The following TIGD5 variants were observed in gnomAD, a reference collection of about 807,000 sequenced individuals.
The protein encoded by TIGD5 is tigger transposable element-derived protein 5.
In TIGD5, 24 loss-of-function variants were observed where a neutral mutation model predicts 28.8. The observed-to-expected ratio is 0.83, with a 90% CI of 0.60 to 1.17. The LOEUF is 1.17. Among genes scored for constraint, TIGD5 ranks in the 50% most tolerant of loss-of-function variants. TIGD5 has a pLI of 0.00. For synonymous variants in TIGD5, 538 were observed against 430.5 expected, an observed-to-expected ratio of 1.25 and a Z score of -3.09; for missense variants, 922 against 911.4, an observed-to-expected ratio of 1.01 and a Z score of -0.15.
rs1829163779 is a variant in TIGD5 at position 143,598,713 on chromosome 8, G to A, written c.810G>A (p.Trp270Ter). 2 of 1,509,012 alleles carry A rather than the reference G, an allele frequency of 1.3e-6. No homozygotes were observed. Among genetic ancestry groups the A allele is most frequent in the African/African-American group, 1.4e-5 (1 of 70,750 alleles). The allele number at this position is 1,509,012 out of a possible 1,614,324, so 93.5% of individuals were successfully genotyped here. Reference protein sequence around the residue: ...DPGAGGCGRRWRGDRVTVLLA... With the variant: ...DPGAGGCGRR ...GGGCGGGGGGCTGTGGCCGGCGCTG[G>A]CGGGGCGACCGCGTAACGGTGCTGC... The change falls in exon 1 of 1, where the codon TGG becomes TGA. Residue 270 changes from tryptophan (W) to a stop codon, truncating the protein, a stop_gained. Coordinates refer to ENST00000504548, the MANE Select transcript of TIGD5 (RefSeq NM_032862.5). LOFTEE classifies it high-confidence loss of function. This position sits in a 1 kb window ranked among gnomAD's most constrained non-coding sequence, Gnocchi z 6.6.
chr8:143,599,667 C>A lies in TIGD5; in HGVS notation c.1764C>A (p.Ala588=). 6.6e-7 allele frequency: 1 copy of A among 1,518,034 alleles called. No individual in the cohort carries two copies. Among genetic ancestry groups the A allele is most frequent in the Non-Finnish European group, 8.8e-7 (1 of 1,136,706 alleles). The allele number at this position is 1,518,034 out of a possible 1,614,324, so 94.0% of individuals were successfully genotyped here. Residue 588 remains alanine, a synonymous_variant, in exon 1 of 1, where the codon GCC becomes GCA. Transcript: ENST00000504548. The stretch of plus-strand genomic sequence containing the variant: ...ATGGAGGGACCTCAGTGCCGACTGC[C>A]GGGGAGGCCGTGCGGGGGCTAGAAA... ...TDYGGTSVPT[A]GEAVRGLETA...
Position 143,599,677 on chromosome 8 carries a change from G to C in TIGD5, c.1774G>C (p.Val592Leu). ...GTSVPTAGEA[V>L]RGLETALRWL... ...CTCAGTGCCGACTGCCGGGGAGGCC[G>C]TGCGGGGGCTAGAAACAGCTCTGCG... Residue 592 changes from valine to leucine, a missense_variant, in exon 1 of 1, where the codon GTG becomes CTG. This residue lies in a region of TIGD5 where 821 missense variants were observed against 815.2 expected (regional missense o/e 1.01). Coordinates refer to ENST00000504548, the MANE Select transcript of TIGD5 (RefSeq NM_032862.5). The C allele has an allele frequency of 6.6e-7, 1 of 1,518,342 alleles. No individual in the cohort carries two copies. Among genetic ancestry groups the C allele is most frequent in the Non-Finnish European group, 8.8e-7 (1 of 1,137,770 alleles). The allele number at this position is 1,518,342 out of a possible 1,614,324, so 94.1% of individuals were successfully genotyped here. A position where few individuals can be genotyped will look rare whatever the true frequency, so the allele number is the denominator to read the frequency against.
At position 143,599,097 on chromosome 8, in the gene TIGD5, T is replaced by C. The variant is rs377236627; in HGVS notation, c.1194T>C (p.Ala398=). 6 of 1,580,666 alleles carry C rather than the reference T, an allele frequency of 3.8e-6. No homozygotes were observed. The African/African-American group carries it at 6.7e-5, about 18-fold the overall frequency. Reference sequence around the variant, plus strand: ...AGGAGCTGCAGACACCGGATGGCGCTGTGCGGGTGCTGTTCCTGTCCAAAG... The same window carrying C: ...AGGAGCTGCAGACACCGGATGGCGCCGTGCGGGTGCTGTTCCTGTCCAAAG... The part of the protein sequence containing the change: ...PPEELQTPDG[A]VRVLFLSKGS... The change falls in exon 1 of 1, where the codon GCT becomes GCC. Residue 398 remains alanine, a synonymous_variant. Transcript: ENST00000504548.
rs1829230818 is a variant in TIGD5 at position 143,599,786 on chromosome 8, T to TG, written c.1889dup (p.Ile631HisfsTer10). On this transcript the variant is annotated frameshift_variant, in exon 1 of 1. Coordinates refer to ENST00000504548, the MANE Select transcript of TIGD5 (RefSeq NM_032862.5). LOFTEE classifies it low-confidence loss of function (END_TRUNC). ...TCACTCATCAGCATGGCCCGGAGGC[T>TG]GGGGGGCATCGGGCATACCCCAGCA... is the stretch of plus-strand genomic sequence containing the variant. 1 of 1,484,414 alleles carries TG rather than the reference T, an allele frequency of 6.7e-7. No homozygotes were observed. Among genetic ancestry groups the TG allele is most frequent in the Non-Finnish European group, 8.9e-7 (1 of 1,126,108 alleles). 92.0% of individuals were successfully genotyped at this position (1,484,414 alleles called of 1,614,324 possible).
At position 143,600,109 on chromosome 8, in the gene TIGD5, C is replaced by A; in HGVS notation, c.*277C>A. ...ATACAAGGCACAGCGCCTGTTGGAA[C>A]AGGTGGCTGTGTTCCTGCTCTGGCC... On this transcript the variant is annotated 3_prime_UTR_variant, in exon 1 of 1. Transcript: ENST00000504548. The A allele has an allele frequency of 2.7e-6, 1 of 376,664 alleles. No homozygotes were observed. The highest frequency in any genetic ancestry group is 4.7e-6 in the Non-Finnish European group (1 of 212,376). The allele number at this position is 376,664 out of a possible 1,614,324, so 23.3% of individuals were successfully genotyped here.
Position 143,599,313 on chromosome 8 carries a change from G to A in TIGD5, c.1410G>A (p.Ala470=), listed in dbSNP as rs760249027. The change falls in exon 1 of 1, where the codon GCG becomes GCA. Residue 470 remains alanine (A), a synonymous_variant. Transcript: ENST00000504548. ...GCCTCTCCTGGGACCTGGTGCAGGC[G>A]GGCAGCATTGAGCGCTGCTGGCTGC... ...LAGLSWDLVQ[A]GSIERCWLLG... is the part of the protein sequence containing the mutation. 5.6e-6 allele frequency: 9 copies of A among 1,604,638 alleles called. No individual in the cohort carries two copies. In the Middle Eastern group the frequency reaches 6.6e-4, roughly 118 times the overall value.
Position 143,599,804 on chromosome 8 carries a change from C to A in TIGD5, c.1901C>A (p.Thr634Asn), listed in dbSNP as rs767156844. Reference protein sequence around the residue: ...MARRLGGIGHTPAGPYDGV With the variant: ...MARRLGGIGHNPAGPYDGV ...CGGAGGCTGGGGGGCATCGGGCATA[C>A]CCCAGCAGGCCCCTATGACGGTGTG... is the stretch of plus-strand genomic sequence containing the variant. The change falls in exon 1 of 1, where the codon ACC (threonine) becomes AAC (asparagine). Residue 634 changes from threonine to asparagine, a missense_variant. Thr to Asn is a moderately conservative substitution (Grantham distance 65). This residue lies in a region of TIGD5 where 821 missense variants were observed against 815.2 expected (regional missense o/e 1.01). Transcript: ENST00000504548. 6.7e-7 allele frequency: 1 copy of A among 1,483,364 alleles called. No homozygotes were observed. The highest frequency in any genetic ancestry group is 2.4e-5 in the East Asian group (1 of 41,780). 91.9% of individuals were successfully genotyped at this position (1,483,364 alleles called of 1,614,324 possible). A position where few individuals can be genotyped will look rare whatever the true frequency, so the allele number is the denominator to read the frequency against.
Position 143,598,587 on chromosome 8 carries a change from G to C in TIGD5, c.684G>C (p.Glu228Asp). 7.3e-7 allele frequency: 1 copy of C among 1,360,704 alleles called. No homozygotes were observed. Among genetic ancestry groups the C allele is most frequent in the Non-Finnish European group, 9.4e-7 (1 of 1,064,304 alleles). The allele number at this position is 1,360,704 out of a possible 1,614,324, so 84.3% of individuals were successfully genotyped here. Residue 228 changes from glutamate (E) to aspartate (D), a missense_variant, in exon 1 of 1, where the codon GAG becomes GAC. Glu to Asp is a conservative substitution (Grantham distance 45, BLOSUM62 2). This residue lies in a region of TIGD5 where 821 missense variants were observed against 815.2 expected (regional missense o/e 1.01). Coordinates refer to ENST00000504548, the MANE Select transcript of TIGD5 (RefSeq NM_032862.5). This position sits in a 1 kb window ranked among gnomAD's most constrained non-coding sequence, Gnocchi z 6.6. ...CCCCGGCCCCGCCGCCCCCGGCCGA[G>C]GGCGGCTACGGGGACGAGCAGATTT... Reference protein sequence around the residue: ...DRAPAPPPPAEGGYGDEQIYS... With the variant: ...DRAPAPPPPADGGYGDEQIYS...
In TIGD5 at chr8:143,599,748, G is replaced by A; in HGVS notation, c.1845G>A (p.Leu615=). 1 of 1,498,360 alleles carries A rather than the reference G, an allele frequency of 6.7e-7. No homozygotes were observed. The highest frequency in any genetic ancestry group is 8.8e-7 in the Non-Finnish European group (1 of 1,132,176). The allele number at this position is 1,498,360 out of a possible 1,614,324, so 92.8% of individuals were successfully genotyped here. The change falls in exon 1 of 1, where the codon CTG becomes CTA. Residue 615 remains leucine (L), a synonymous_variant. Transcript: ENST00000504548. ...CCAGAGAGGTGGGGCCACTGAGGCT[G>A]GTGCAGTTGCGCTCACTCATCAGCA... ...QDPREVGPLR[L]VQLRSLISMA... is the part of the protein sequence containing the mutation.
rs1024910802 is a variant in TIGD5, at chr8:143,599,379, C to G, written c.1476C>G (p.Asp492Glu). The G allele has an allele frequency of 2.5e-6, 4 of 1,569,422 alleles. No homozygotes were observed. The African/African-American group carries it at 4.1e-5, about 16-fold the overall frequency. Residue 492 changes from aspartate (D) to glutamate (E), a missense_variant, in exon 1 of 1, where the codon GAC becomes GAG. This residue lies in a region of TIGD5 where 821 missense variants were observed against 815.2 expected (regional missense o/e 1.01). Transcript: ENST00000504548. ...RAAFEPRPGE[D>E]SAGQPAQAEE... is the part of the protein sequence containing the mutation. The stretch of plus-strand genomic sequence containing the variant: ...CCTTCGAGCCCCGGCCCGGCGAGGA[C>G]AGTGCTGGGCAGCCGGCCCAGGCCG...
At position 143,601,206 on chromosome 8, in the gene TIGD5, A is replaced by G. The variant is rs1463690835; in HGVS notation, c.*1374A>G. The G allele has an allele frequency of 6.6e-6, 1 of 152,180 alleles. No homozygotes were observed. The highest frequency in any genetic ancestry group is 1.5e-5 in the Non-Finnish European group (1 of 68,034). 9.4% of individuals were successfully genotyped at this position (152,180 alleles called of 1,614,324 possible). On this transcript the variant is annotated 3_prime_UTR_variant, in exon 1 of 1. Coordinates refer to ENST00000504548, the MANE Select transcript of TIGD5 (RefSeq NM_032862.5). The stretch of plus-strand genomic sequence containing the variant: ...AAACAGTTCCTTGGAACTGCCCGCA[A>G]GTGAAGAAATATATACATATATATG...
chr8:143,599,640 C>T lies in TIGD5; in HGVS notation c.1737C>T (p.Asp579=). 2 of 1,523,840 alleles carry T rather than the reference C, an allele frequency of 1.3e-6. No individual in the cohort carries two copies. Among genetic ancestry groups the T allele is most frequent in the Non-Finnish European group, 1.8e-6 (2 of 1,138,666 alleles). The allele number at this position is 1,523,840 out of a possible 1,614,324, so 94.4% of individuals were successfully genotyped here. ...GGGEDEEEAT[D]YGGTSVPTAG... Reference sequence around the variant, plus strand: ...GAGAGGACGAGGAGGAGGCCACCGACTATGGAGGGACCTCAGTGCCGACTG... The same window carrying T: ...GAGAGGACGAGGAGGAGGCCACCGATTATGGAGGGACCTCAGTGCCGACTG... The change falls in exon 1 of 1, where the codon GAC becomes GAT. Residue 579 remains aspartate, a synonymous_variant. Transcript: ENST00000504548.
In TIGD5 at chr8:143,598,533, C is replaced by A. The variant is rs1355748542; in HGVS notation, c.630C>A (p.Pro210=). 7.6e-7 allele frequency: 1 copy of A among 1,313,532 alleles called. No individual in the cohort carries two copies. The highest frequency in any genetic ancestry group is 2.1e-5 in the South Asian group (1 of 47,584). 81.4% of individuals were successfully genotyped at this position (1,313,532 alleles called of 1,614,324 possible). The part of the protein sequence containing the change: ...GPPVKEEPAL[P]SGAGPLPDRA... ...CCGTCAAGGAGGAGCCCGCGCTGCCCTCCGGCGCCGGCCCCCTGCCCGACC... is the reference window on the plus strand; with the variant it reads ...CCGTCAAGGAGGAGCCCGCGCTGCCATCCGGCGCCGGCCCCCTGCCCGACC... Residue 210 remains proline (P), a synonymous_variant, in exon 1 of 1, where the codon CCC becomes CCA. Coordinates refer to ENST00000504548, the MANE Select transcript of TIGD5 (RefSeq NM_032862.5). This position sits in a 1 kb window ranked among gnomAD's most constrained non-coding sequence, Gnocchi z 6.6.
In TIGD5 at chr8:143,598,478, C is replaced by G; in HGVS notation, c.575C>G (p.Pro192Arg). The G allele has an allele frequency of 7.0e-7, 1 of 1,422,426 alleles. No individual in the cohort carries two copies. The highest frequency in any genetic ancestry group is 1.4e-5 in the South Asian group (1 of 69,832). 88.1% of individuals were successfully genotyped at this position (1,422,426 alleles called of 1,614,324 possible). The change falls in exon 1 of 1, where the codon CCC (proline) becomes CGC (arginine). Residue 192 changes from proline to arginine, a missense_variant. This residue lies in a region of TIGD5 where 821 missense variants were observed against 815.2 expected (regional missense o/e 1.01). Coordinates refer to ENST00000504548, the MANE Select transcript of TIGD5 (RefSeq NM_032862.5). This position sits in a 1 kb window ranked among gnomAD's most constrained non-coding sequence, Gnocchi z 6.6. Reference protein sequence around the residue: ...SSQRFYGEAGPPAPSPAPGPP... With the variant: ...SSQRFYGEAGRPAPSPAPGPP... ...CAGCGCTTCTACGGCGAGGCCGGGC[C>G]CCCAGCCCCGAGCCCCGCGCCCGGC... is the stretch of plus-strand genomic sequence containing the variant.
Position 143,597,874 on chromosome 8 carries a change from C to G in TIGD5, c.-30C>G. On this transcript the variant is annotated 5_prime_UTR_variant, in exon 1 of 1. Coordinates refer to ENST00000504548, the MANE Select transcript of TIGD5 (RefSeq NM_032862.5). Reference sequence around the variant, plus strand: ...GGCTGGGCGTGTGGCTCCCGCGACCCGCGCGGCCCGGGTCCCCCCCGCCGC... The same window carrying G: ...GGCTGGGCGTGTGGCTCCCGCGACCGGCGCGGCCCGGGTCCCCCCCGCCGC... 1.3e-6 allele frequency: 1 copy of G among 761,980 alleles called. No homozygotes were observed. Among genetic ancestry groups the G allele is most frequent in the Non-Finnish European group, 1.6e-6 (1 of 628,356 alleles). The allele number at this position is 761,980 out of a possible 1,614,324, so 47.2% of individuals were successfully genotyped here. A position where few individuals can be genotyped will look rare whatever the true frequency, so the allele number is the denominator to read the frequency against.
At position 143,598,580 on chromosome 8, in the gene TIGD5, C is replaced by G; in HGVS notation, c.677C>G (p.Pro226Arg). The change falls in exon 1 of 1, where the codon CCG becomes CGG. Residue 226 changes from proline to arginine, a missense_variant. Coordinates refer to ENST00000504548, the MANE Select transcript of TIGD5 (RefSeq NM_032862.5). The surrounding 1 kb of genome is among the most constrained non-coding windows in gnomAD (Gnocchi z 6.6). ...GACCGCGCCCCGGCCCCGCCGCCCC[C>G]GGCCGAGGGCGGCTACGGGGACGAG... is the stretch of plus-strand genomic sequence containing the variant. ...LPDRAPAPPP[P>R]AEGGYGDEQI... 2.2e-6 allele frequency: 3 copies of G among 1,341,208 alleles called. No individual in the cohort carries two copies. The highest frequency in any genetic ancestry group is 2.8e-6 in the Non-Finnish European group (3 of 1,053,538). The allele number at this position is 1,341,208 out of a possible 1,614,324, so 83.1% of individuals were successfully genotyped here. A position where few individuals can be genotyped will look rare whatever the true frequency, so the allele number is the denominator to read the frequency against.
rs1262625027 is a variant in TIGD5, at chr8:143,598,260, C to T, written c.357C>T (p.Ala119=). The T allele has an allele frequency of 1.2e-6, 2 of 1,609,940 alleles. No individual in the cohort carries two copies. Among genetic ancestry groups the T allele is most frequent in the Non-Finnish European group, 1.7e-6 (2 of 1,178,848 alleles). ...VGTQRKKMRL[A]NEEEIDRAVY... ...CTCAGCGCAAGAAGATGCGGCTGGC[C>T]AACGAGGAGGAGATCGACCGCGCCG... Residue 119 remains alanine (A), a synonymous_variant, in exon 1 of 1, where the codon GCC becomes GCT. Transcript: ENST00000504548. The surrounding 1 kb of genome is among the most constrained non-coding windows in gnomAD (Gnocchi z 6.6).
rs766415826 is a variant in TIGD5, at chr8:143,599,032, G to A, written c.1129G>A (p.Ala377Thr). The A allele has an allele frequency of 7.0e-6, 11 of 1,569,862 alleles. No homozygotes were observed. The highest frequency in any genetic ancestry group is 9.4e-6 in the Non-Finnish European group (11 of 1,164,480). ...TATGCCCGCCCTGGACAGCGAGGAT[G>A]CCCCCGTGCGGTGCAGGCCGGAGCC... ...ASMPALDSED[A>T]PVRCRPEPLG... Residue 377 changes from alanine to threonine, a missense_variant, in exon 1 of 1, where the codon GCC becomes ACC. Coordinates refer to ENST00000504548, the MANE Select transcript of TIGD5 (RefSeq NM_032862.5).
rs531318912 is a variant in TIGD5 at position 143,602,751 on chromosome 8, C to G, written c.*2919C>G. The G allele has an allele frequency of 6.6e-6, 1 of 152,530 alleles. No homozygotes were observed. The highest frequency in any genetic ancestry group is 2.1e-4 in the South Asian group (1 of 4,832). The allele number at this position is 152,530 out of a possible 1,614,324, so 9.4% of individuals were successfully genotyped here. On this transcript the variant is annotated 3_prime_UTR_variant, in exon 1 of 1. Coordinates refer to ENST00000504548, the MANE Select transcript of TIGD5 (RefSeq NM_032862.5). ...CCCAAGAGCCCCCAGCTCCTGTTCA[C>G]TGCTCTTCCAGTTAGTGACCCCCGT...
Sources: allele counts gnomAD v4.1 joint callset, GRCh38; gene constraint gnomAD v4.1.1; regional missense constraint gnomAD v4.1.1; non-coding constraint Gnocchi (gnomAD v3.1); transcripts MANE v1.5; gene names NCBI Gene and HGNC (gene_info 2026-07-23, HGNC 2026-07-21).